Variants in HECTD3 observed in about 807,000 individuals in gnomAD.
The protein encoded by HECTD3 is HECT domain E3 ubiquitin protein ligase 3, also known as E3 ubiquitin-protein ligase HECTD3.
A neutral mutation model predicts 109.3 loss-of-function variants in HECTD3; 72 were observed. The ratio of observed to expected loss-of-function variants is 0.66; its 90% confidence interval spans 0.54 to 0.80. The LOEUF is 0.80. HECTD3 is among the 30% of genes least tolerant of loss of function. HECTD3 has a pLI of 0.00. For synonymous variants in HECTD3, 481 were observed against 471.8 expected (o/e 1.02, Z -0.25); for missense variants, 1,041 against 1,165.2 (o/e 0.89, Z 1.55).
intron 14 of HECTD3, 24 bp downstream of exon 14, chr1:45,005,973 G>A (rs527602464): frequency 8.7e-6 from 14 of 1,611,952 alleles, no homozygotes; most frequent in Middle Eastern, 1.7e-4. Context: ...CTGATCGGAC[G>A]GGGGTGTGGA....
chr1:45,009,015 AT>A, intron 7 of HECTD3, 128 bp downstream of exon 7: 1 of 802,022 alleles, frequency 1.2e-6, no homozygotes, highest in Admixed American at 2.1e-5. Flanking sequence ...AAAGCTCCAA[AT>A]CCTGGAGTTA....
rs551597519 is a variant in HECTD3 at position 45,004,671 on chromosome 1, C to T, written c.2071G>A (p.Val691Met). Reference protein sequence around the residue: ...ELIPGGAGIVVGYGDRSRFIQ... With the variant: ...ELIPGGAGIVMGYGDRSRFIQ... ...AAACGAGAACGGTCCCCATATCCCA[C>T]GACGATGCCTGCACCCCCAGGGATC... The change falls in exon 16 of 21, where the codon GTG becomes ATG. Residue 691 changes from valine (V) to methionine (M), a missense_variant. Transcript: ENST00000372172. 86 of 1,614,210 alleles carry T rather than the reference C, an allele frequency of 5.3e-5. No individual in the cohort carries two copies. In the South Asian group the frequency reaches 6.1e-4, roughly 12 times the overall value.
In HECTD3 at chr1:45,004,380, G is replaced by A. The variant is rs770502811; in HGVS notation, c.2143-3C>T. On this transcript the variant is annotated splice_region_variant and splice_polypyrimidine_tract_variant and intron_variant, in intron 16 of 20. Coordinates refer to ENST00000372172, the MANE Select transcript of HECTD3 (RefSeq NM_024602.6). ...AGACCTGCCTGCATAGCTGCCACCT[G>A]GGGAGTGGGTAAAAAGGCTTGGCTG... 6.2e-7 allele frequency: 1 copy of A among 1,614,058 alleles called. No individual in the cohort carries two copies. Among genetic ancestry groups the A allele is most frequent in the African/African-American group, 1.3e-5 (1 of 75,036 alleles).
At chr1:45,004,031 C>T in intron 18 of HECTD3, 29 bp downstream of exon 18, 1 of 1,613,748 alleles carries the variant, frequency 6.2e-7, no homozygotes, top group Non-Finnish European at 8.5e-7. Context: ...AGTCCAAACC[C>T]AGGTGTCACC....
chr1:45,006,632 G>T lies in HECTD3; in HGVS notation c.1725+60C>A. ...CTAGCTCAATCTGGCCCCCTCCTCT[G>T]CCCCCTTTCTAGCTCAATCTGGCAC... On this transcript the variant is annotated intron_variant, in intron 13 of 20. Transcript: ENST00000372172. The surrounding 1 kb of genome is among the most constrained non-coding windows in gnomAD (Gnocchi z 4.7). The T allele has an allele frequency of 7.0e-7, 1 of 1,429,786 alleles. No individual in the cohort carries two copies. The highest frequency in any genetic ancestry group is 9.7e-7 in the Non-Finnish European group (1 of 1,028,886). 88.6% of individuals were successfully genotyped at this position (1,429,786 alleles called of 1,614,324 possible).
chr1:45,004,693 G>A lies in HECTD3; in HGVS notation c.2049C>T (p.Ile683=), dbSNP rs1453321873. The A allele has an allele frequency of 5.6e-6, 9 of 1,614,184 alleles. No individual in the cohort carries two copies. In the South Asian group the frequency reaches 9.9e-5, roughly 18 times the overall value. Residue 683 remains isoleucine (I), a synonymous_variant, in exon 16 of 21, where the codon ATC becomes ATT. Coordinates refer to ENST00000372172, the MANE Select transcript of HECTD3 (RefSeq NM_024602.6). The stretch of plus-strand genomic sequence containing the variant: ...CCACGACGATGCCTGCACCCCCAGG[G>A]ATCAGCTCCACCACCTGTTGGTCAC... ...VLSDQQVVEL[I]PGGAGIVVGY... is the part of the protein sequence containing the mutation.
chr1:45,010,318 G>T, intron 2 of HECTD3, 25 bp from the exon 3 acceptor site: 1 of 1,604,964 alleles, frequency 6.2e-7, no homozygotes, highest in South Asian at 1.1e-5. Context: ...TAGGGAGTGG[G>T]ATGGGGAGAC....
In HECTD3 at chr1:45,010,256, G is replaced by C; in HGVS notation, c.568C>G (p.Leu190Val). ...QVVDLTYSHRLGSRPQPAEAY... is the reference protein window; with the variant it reads ...QVVDLTYSHRVGSRPQPAEAY... The stretch of plus-strand genomic sequence containing the variant: ...TCTGCCGGCTGAGGTCTCGATCCCA[G>C]GCGATGTGAGTATGTCAGGTCCACC... Residue 190 changes from leucine (L) to valine (V), a missense_variant, in exon 3 of 21, where the codon CTG (leucine) becomes GTG (valine). Transcript: ENST00000372172. 1 of 1,613,994 alleles carries C rather than the reference G, an allele frequency of 6.2e-7. No individual in the cohort carries two copies. Among genetic ancestry groups the C allele is most frequent in the Non-Finnish European group, 8.5e-7 (1 of 1,179,996 alleles).
Position 45,005,609 on chromosome 1 carries a change from G to C in HECTD3, c.1935+185C>G. The C allele has an allele frequency of 7.9e-6, 4 of 507,324 alleles. No homozygotes were observed. In the Admixed American group the frequency reaches 1.4e-4, roughly 18 times the overall value. 31.4% of individuals were successfully genotyped at this position (507,324 alleles called of 1,614,324 possible). ...TACATATATGGCCCCAGGCTTAGGA[G>C]AGGCTGGGGCTAGAGGTCAGGATTT... On this transcript the variant is annotated intron_variant, in intron 15 of 20. Transcript: ENST00000372172.
chr1:45,004,713 G>GA lies in HECTD3; in HGVS notation c.2028_2029insT (p.Gln677SerfsTer85), dbSNP rs1252232066. On this transcript the variant is annotated frameshift_variant, in exon 16 of 21. Coordinates refer to ENST00000372172, the MANE Select transcript of HECTD3 (RefSeq NM_024602.6). LOFTEE classifies it high-confidence loss of function. ...CCAGGGATCAGCTCCACCACCTGTTGGTCACTCAGTACAGTGGTGAATGTT... is the reference window on the plus strand; with the variant it reads ...CCAGGGATCAGCTCCACCACCTGTTGAGTCACTCAGTACAGTGGTGAATGTT... 6.2e-7 allele frequency: 1 copy of GA among 1,613,998 alleles called. No homozygotes were observed. Among genetic ancestry groups the GA allele is most frequent in the Non-Finnish European group, 8.5e-7 (1 of 1,179,998 alleles).
rs778834357 is a variant in HECTD3, at chr1:45,010,527, G to A, written c.530+19C>T. The A allele has an allele frequency of 3.1e-6, 5 of 1,612,884 alleles. No homozygotes were observed. Among genetic ancestry groups the A allele is most frequent in the Admixed American group, 3.3e-5 (2 of 59,928 alleles). ...GCCCGGCCTTCTGACAGCCAGCCCC[G>A]CTCCTTCAAGTGCAGTACCTGAGCA... is the stretch of plus-strand genomic sequence containing the variant. On this transcript the variant is annotated intron_variant, in intron 2 of 20. Transcript: ENST00000372172.
At chr1:45,010,748 C>T in intron 1 of HECTD3, 42 bp from the exon 2 acceptor site, 2 of 1,520,458 alleles carry the variant, frequency 1.3e-6, no homozygotes, top group South Asian at 1.3e-5. Context: ...CAGGGAACTG[C>T]CCAGCCGCCT....
At position 45,010,065 on chromosome 1, in the gene HECTD3, T is replaced by C; in HGVS notation, c.680A>G (p.Tyr227Cys). Residue 227 changes from tyrosine to cysteine, a missense_variant, in exon 4 of 21, where the codon TAT (tyrosine) becomes TGT (cysteine). Physicochemically the swap from Tyr to Cys is radical, Grantham distance 194. Around this residue, in one of 2 missense-constraint regions of HECTD3, gnomAD observed 472 missense variants for 449.9 expected, o/e 1.05. Transcript: ENST00000372172. ...CTCATCCTCCTTGCCCAGGTGGTCA[T>C]ACAAGAAGTGGATCAGGTCCTCGTC... is the stretch of plus-strand genomic sequence containing the variant. ...ECDEDLIHFL[Y>C]DHLGKEDENL... The C allele has an allele frequency of 3.8e-6, 6 of 1,577,334 alleles. No homozygotes were observed. Among genetic ancestry groups the C allele is most frequent in the Non-Finnish European group, 5.2e-6 (6 of 1,158,222 alleles).
chr1:45,005,636 A>G (rs1411333052), intron 15 of HECTD3, 158 bp downstream of exon 15: 1 of 564,562 alleles, frequency 1.8e-6, no homozygotes, highest in Non-Finnish European at 3.1e-6. Context: ...TCAGGATTTT[A>G]GGGGTCACGA....
chr1:45,011,229 A>T lies in HECTD3; in HGVS notation c.29T>A (p.Leu10Gln), dbSNP rs1013718713. 2.2e-6 allele frequency: 3 copies of T among 1,391,630 alleles called. No homozygotes were observed. In the African/African-American group the frequency reaches 4.6e-5, roughly 21 times the overall value. 86.2% of individuals were successfully genotyped at this position (1,391,630 alleles called of 1,614,324 possible). Reference protein sequence around the residue: MAGPGPGAVLESPRQLLGRV... With the variant: MAGPGPGAVQESPRQLLGRV... The stretch of plus-strand genomic sequence containing the variant: ...GCCCAGCAGCTGCCGGGGGGACTCC[A>T]GCACCGCGCCCGGGCCAGGACCCGC... The change falls in exon 1 of 21, where the codon CTG becomes CAG. Residue 10 changes from leucine to glutamine, a missense_variant. Leu to Gln is a moderately radical substitution (Grantham distance 113, BLOSUM62 -2). Transcript: ENST00000372172.
intron 11 of HECTD3, 74 bp downstream of exon 11, chr1:45,007,145 T>C: frequency 6.9e-7 from 1 of 1,444,844 alleles, no homozygotes; most frequent in Non-Finnish European, 9.7e-7. Flanking sequence ...TGTGTGTGTG[T>C]GTGTGTGTGT....
chr1:45,009,606 G>A lies in HECTD3; in HGVS notation c.837C>T (p.His279=), dbSNP rs61741088. The stretch of plus-strand genomic sequence containing the variant: ...CCTTCTTCATAGTAAGCCGTACCCA[G>A]TGTTGGCACTGGGACCCATCGCTCT... ...YWESDGSQCQ[H]WVRLTMKKGT... Residue 279 remains histidine, a synonymous_variant, in exon 5 of 21, where the codon CAC becomes CAT. Coordinates refer to ENST00000372172, the MANE Select transcript of HECTD3 (RefSeq NM_024602.6). The A allele has an allele frequency of 0.013, 20,224 of 1,613,978 alleles. 2,097 individuals are homozygous for A. In the African/African-American group the frequency reaches 0.23, roughly 18 times the overall value.
Position 45,011,299 on chromosome 1 carries a change from G to C in HECTD3, c.-42C>G, listed in dbSNP as rs1257283622. ...TGAGCACCTAGAGGCGACCCTGCCC[G>C]GGGAACAGCTGGCGCGACCGCGGAC... On this transcript the variant is annotated 5_prime_UTR_variant, in exon 1 of 21. Coordinates refer to ENST00000372172, the MANE Select transcript of HECTD3 (RefSeq NM_024602.6). 3.7e-6 allele frequency: 5 copies of C among 1,350,244 alleles called. No individual in the cohort carries two copies. The highest frequency in any genetic ancestry group is 3.8e-6 in the Non-Finnish European group (4 of 1,056,560). The allele number at this position is 1,350,244 out of a possible 1,614,324, so 83.6% of individuals were successfully genotyped here. A position where few individuals can be genotyped will look rare whatever the true frequency, so the allele number is the denominator to read the frequency against.
At position 45,005,898 on chromosome 1, in the gene HECTD3, C is replaced by A; in HGVS notation, c.1846-15G>T. On this transcript the variant is annotated splice_polypyrimidine_tract_variant and intron_variant, in intron 14 of 20. Coordinates refer to ENST00000372172, the MANE Select transcript of HECTD3 (RefSeq NM_024602.6). ...AGGGCCAGGACCTGTGTGACAAACA[C>A]TCCCCACTGTCTTCTCACCCTGAGC... 1 of 1,604,552 alleles carries A rather than the reference C, an allele frequency of 6.2e-7. No homozygotes were observed. Among genetic ancestry groups the A allele is most frequent in the Non-Finnish European group, 8.5e-7 (1 of 1,175,296 alleles).
Sources: allele counts gnomAD v4.1 joint callset, GRCh38; gene constraint gnomAD v4.1.1; regional missense constraint gnomAD v4.1.1; non-coding constraint Gnocchi (gnomAD v3.1); transcripts MANE v1.5; gene names NCBI Gene and HGNC (gene_info 2026-07-23, HGNC 2026-07-21).